PTGER3: variants seen among roughly 807,000 people sequenced by gnomAD.
The protein encoded by PTGER3 is prostaglandin E2 receptor EP3 subtype.
Under a neutral mutation model 34.7 loss-of-function variants are expected in PTGER3, and 22 were observed. The ratio of observed to expected loss-of-function variants is 0.63; its 90% CI spans 0.45 to 0.91. The LOEUF (loss-of-function observed/expected upper bound fraction) is 0.91, where lower values mean the gene tolerates loss of function less well. Among genes scored for constraint, PTGER3 ranks in the 40% least tolerant of loss-of-function variants. PTGER3 has a pLI of 0.00. For missense variants in PTGER3, 468 were observed against 519.4 expected, an observed-to-expected ratio of 0.90 and a Z score of 0.96; for synonymous variants, 241 against 230.1, an observed-to-expected ratio of 1.05 and a Z score of -0.43.
intron 2 of PTGER3, among the ~76,000 whole-genome samples, chr1:70,988,081 T>A (rs1015814492): frequency 6.6e-6 from 1 of 152,162 alleles, no homozygotes; most frequent in East Asian, 1.9e-4. Context: ...TTAGTCACAA[T>A]ATGACCATTT....
chr1:71,041,552 C>T (rs1660314899), intron 1 of PTGER3, among the ~76,000 whole-genome samples: 3 of 152,180 alleles, frequency 2.0e-5, no homozygotes, highest in African/African-American at 4.8e-5. Context: ...TAAGAGGAAC[C>T]CCCCCAAAAT....
intron 1 of PTGER3, among the ~76,000 whole-genome samples, chr1:71,032,415 C>T (rs1659488977): frequency 1.3e-5 from 2 of 152,182 alleles, no homozygotes; most frequent in South Asian, 4.1e-4. Flanking sequence ...GATGTCTAAA[C>T]AGTGCTTCAA....
At chr1:70,883,930 C>A (rs1854150) in intron 4 of PTGER3, 5 of 242,380 alleles carry the variant, frequency 2.1e-5, no homozygotes, top group South Asian at 1.8e-4. Flanking sequence ...AGGCTTGTGG[C>A]GCATGCCTGC....
intron 4 of PTGER3, among the ~76,000 whole-genome samples, chr1:70,903,954 A>G (rs898776930): frequency 3.3e-5 from 5 of 152,212 alleles, no homozygotes; most frequent in African/African-American, 1.2e-4. Flanking sequence ...GTTCCCAGCC[A>G]AAACTCATCT....
At chr1:70,945,284 C>T (rs536081187) in intron 4 of PTGER3, among the ~76,000 whole-genome samples, 6 of 152,082 alleles carry the variant, frequency 3.9e-5, no homozygotes, top group Non-Finnish European at 8.8e-5. Context: ...AAAACACACC[C>T]GTGTTGTTCT....
intron 2 of PTGER3, among the ~76,000 whole-genome samples, chr1:70,981,082 C>G (rs1196347202): frequency 6.6e-6 from 1 of 151,980 alleles, no homozygotes; most frequent in Non-Finnish European, 1.5e-5. Flanking sequence ...GAATAGGCAA[C>G]TGTTAATAGA....
Position 71,009,994 on chromosome 1 carries a change from A to G in PTGER3, c.1077+2311T>C, listed in dbSNP as rs546663184. On this transcript the variant is annotated intron_variant, in intron 2 of 3. Coordinates refer to ENST00000306666, the MANE Select transcript of PTGER3 (RefSeq NM_198719.2). ...CGAATGCCTAGATAATAAAACTCATATGCCATTTACATAATTTCTTTGTTT... is the reference window on the plus strand; with the variant it reads ...CGAATGCCTAGATAATAAAACTCATGTGCCATTTACATAATTTCTTTGTTT... The G allele has an allele frequency of 2.1e-5, 21 of 985,162 alleles. No individual in the cohort carries two copies. The South Asian group carries it at 7.0e-4, about 33-fold the overall frequency. 61.0% of individuals were successfully genotyped at this position (985,162 alleles called of 1,614,324 possible).
intron 4 of PTGER3, among the ~76,000 whole-genome samples, chr1:70,919,945 G>A (rs958244824): frequency 2.0e-5 from 3 of 152,066 alleles, no homozygotes; most frequent in Non-Finnish European, 2.9e-5. Context: ...ATTGAGTTCC[G>A]CTAGCCTAAG....
chr1:70,908,262 G>T (rs1441404328), intron 4 of PTGER3, among the ~76,000 whole-genome samples: 1 of 151,822 alleles, frequency 6.6e-6, no homozygotes, highest in Admixed American at 6.6e-5. Flanking sequence ...TGATTTTTTG[G>T]TCAATTTTTC....
At chr1:71,041,034 C>T (rs547804262) in intron 1 of PTGER3, among the ~76,000 whole-genome samples, 1 of 152,278 alleles carries the variant, frequency 6.6e-6, no homozygotes, top group Admixed American at 6.5e-5. Flanking sequence ...TTGTATGTAT[C>T]TCAGTCATAT....
At chr1:70,971,780 AT>A (rs752755826) in intron 3 of PTGER3, 47 bp from the exon 4 acceptor site, 113 of 1,365,952 alleles carry the variant, frequency 8.3e-5, no homozygotes, top group Middle Eastern at 1.9e-4. Flanking sequence ...GATGGGGATT[AT>A]TTTTTTTAAA....
chr1:70,979,395 T>A (rs1250348002), intron 2 of PTGER3, among the ~76,000 whole-genome samples: 1 of 151,684 alleles, frequency 6.6e-6, no homozygotes, highest in Non-Finnish European at 1.5e-5. Flanking sequence ...AATTCATTAT[T>A]TAGCTGTAAA....
Position 70,953,064 on chromosome 1 carries a change from C to A in PTGER3, c.1105-5G>T, listed in dbSNP as rs183310532. On this transcript the variant is annotated splice_region_variant and splice_polypyrimidine_tract_variant and intron_variant, in intron 3 of 3. Transcript: ENST00000356595. The stretch of plus-strand genomic sequence containing the variant: ...GTTCTGCAAACTGCAGATTAACTAA[C>A]CACAGATCAAAATATTGAGAAAAGA... 1,096 of 1,568,402 alleles carry A rather than the reference C, an allele frequency of 7.0e-4. 9 individuals are homozygous for A. Among genetic ancestry groups the A allele is most frequent in the Non-Finnish European group, 8.1e-5 (94 of 1,160,516 alleles).
At chr1:70,875,439 A>G (rs1646252823) in intron 4 of PTGER3, among the ~76,000 whole-genome samples, 1 of 151,980 alleles carries the variant, frequency 6.6e-6, no homozygotes, top group African/African-American at 2.4e-5. Flanking sequence ...TTGTTTTAGG[A>G]GAAGAATACA....
chr1:70,867,859 A>G (rs910204002), intron 4 of PTGER3, among the ~76,000 whole-genome samples: 1 of 152,204 alleles, frequency 6.6e-6, no homozygotes, highest in Non-Finnish European at 1.5e-5. Context: ...CATTATTTAC[A>G]GATTAATAAA....
chr1:71,000,993 TAAC>T (rs1184742423), intron 2 of PTGER3, among the ~76,000 whole-genome samples: 1 of 152,114 alleles, frequency 6.6e-6, no homozygotes, highest in Non-Finnish European at 1.5e-5. Context: ...GAGTGTGAGA[TAAC>T]AATATATTAT....
intron 4 of PTGER3, among the ~76,000 whole-genome samples, chr1:70,908,800 A>G (rs946052114): frequency 4.6e-5 from 7 of 152,228 alleles, no homozygotes; most frequent in Admixed American, 2.0e-4. Flanking sequence ...GTAGTAAAAC[A>G]TCATTAAGTC....
intron 1 of PTGER3, among the ~76,000 whole-genome samples, chr1:71,017,053 C>A (rs927274049): frequency 2.6e-5 from 4 of 152,034 alleles, no homozygotes; most frequent in Non-Finnish European, 4.4e-5. Context: ...ACAAAGATAT[C>A]CATTTCTCGG....
chr1:70,873,110 C>G (rs1479457715), intron 4 of PTGER3, among the ~76,000 whole-genome samples: 1 of 152,048 alleles, frequency 6.6e-6, no homozygotes, highest in Non-Finnish European at 1.5e-5. Context: ...AAAAAAAAAT[C>G]TCTTTTAAGT....
Sources: gnomAD v4.1 joint callset for allele counts (sites outside exome capture counted in the v4.1 genomes callset) on GRCh38, gnomAD v4.1.1 for gene constraint, MANE v1.5 for transcripts, NCBI Gene and HGNC (gene_info 2026-07-23, HGNC 2026-07-21) for gene names.